The following DCC variants were observed in gnomAD, a reference collection of about 807,000 sequenced individuals.
DCC encodes netrin receptor DCC.
Under a neutral mutation model 172.5 loss-of-function variants are expected in DCC, and 58 were observed. That is an observed-to-expected ratio of 0.34 (90% CI 0.27 to 0.42). The LOEUF (loss-of-function observed/expected upper bound fraction) is 0.42. Ranked by LOEUF, DCC falls within the 10% of genes least tolerant of loss-of-function variation. The pLI is 1.00. For synonymous variants in DCC, 709 were observed against 644.5 expected, an observed-to-expected ratio of 1.10 and a Z score of -1.52; for missense variants, 1,740 against 1,791.0, an observed-to-expected ratio of 0.97 and a Z score of 0.51.
In DCC at chr18:52,639,800, T is replaced by C. The variant is rs139491214; in HGVS notation, c.92-112254T>C. On this transcript the variant is annotated intron_variant, in intron 1 of 28. Transcript: ENST00000442544. ...TACGAGACGTTCAAAGAAGAATTGG[T>C]ACCTATTCTTGTGACACTATTCCAC... 7.1e-4 allele frequency among the ~76,000 whole-genome samples: 108 copies of C among 152,230 alleles called. 1 individual carries two copies. The highest frequency in any genetic ancestry group is 2.5e-3 in the African/African-American group (103 of 41,546).
intron 2 of DCC, among the ~76,000 whole-genome samples, chr18:52,761,908 C>CA (rs1222086354): frequency 0.086 from 4,024 of 46,862 alleles, 225 homozygotes; most frequent in East Asian, 0.22. Flanking sequence ...GACTCTGTCT[C>CA]AAAAAAAAAA....
At chr18:53,048,712 A>G (rs1386318025) in intron 5 of DCC, among the ~76,000 whole-genome samples, 6 of 151,344 alleles carry the variant, frequency 4.0e-5, no homozygotes, top group African/African-American at 1.5e-4. Flanking sequence ...TATATACTCA[A>G]TGATGGGATT....
intron 1 of DCC, among the ~76,000 whole-genome samples, chr18:52,400,812 A>G (rs1311926970): frequency 1.3e-5 from 2 of 152,078 alleles, no homozygotes; most frequent in Non-Finnish European, 2.9e-5. Flanking sequence ...ATGAAGCTGG[A>G]AACCATCATT....
chr18:52,801,453 A>G (rs969176334), intron 2 of DCC, among the ~76,000 whole-genome samples: 5 of 152,242 alleles, frequency 3.3e-5, no homozygotes, highest in African/African-American at 4.8e-5. Flanking sequence ...TGGGTGAAAA[A>G]AAAATTGCCT....
rs1390082523 is a variant in DCC at position 52,541,899 on chromosome 18, G to GTA, written c.91+201031_91+201032dup. On this transcript the variant is annotated intron_variant, in intron 1 of 28. Transcript: ENST00000442544. ...TGTATATATATATATATATATATGT[G>GTA]TATATATATATGTACACAATCCTTT... Among the ~76,000 whole-genome samples the GTA allele has an allele frequency of 2.9e-4, 40 of 136,024 alleles. 1 individual carries two copies. Among genetic ancestry groups the GTA allele is most frequent in the African/African-American group, 8.2e-4 (30 of 36,600 alleles). 89.2% of individuals were successfully genotyped at this position (136,024 alleles called of 152,430 possible). A position where few individuals can be genotyped will look rare whatever the true frequency, so the allele number is the denominator to read the frequency against.
chr18:52,634,919 A>G (rs2034744327), intron 1 of DCC, among the ~76,000 whole-genome samples: 1 of 152,184 alleles, frequency 6.6e-6, no homozygotes. Flanking sequence ...AACTACTCCA[A>G]TAATTCAGTT....
intron 5 of DCC, among the ~76,000 whole-genome samples, chr18:53,034,598 A>G (rs547901530): frequency 6.6e-6 from 1 of 151,730 alleles, no homozygotes; most frequent in Admixed American, 6.6e-5. Flanking sequence ...CTCTCAGCTG[A>G]TCTCCTTATT....
intron 1 of DCC, among the ~76,000 whole-genome samples, chr18:52,401,626 G>A (rs1986445389): frequency 6.6e-6 from 1 of 151,880 alleles, no homozygotes. Context: ...TTTCTCAGGT[G>A]CATTCATTTA....
intron 27 of DCC, among the ~76,000 whole-genome samples, chr18:53,500,183 G>A (rs1411101083): frequency 1.3e-5 from 2 of 152,054 alleles, no homozygotes; most frequent in Non-Finnish European, 2.9e-5. Flanking sequence ...TCCAAATTGA[G>A]CTCCATTTTG....
rs72929107 is a variant in DCC at position 52,650,375 on chromosome 18, G to A, written c.92-101679G>A. 3.6e-3 allele frequency among the ~76,000 whole-genome samples: 554 copies of A among 152,276 alleles called. 2 individuals carry two copies. Among genetic ancestry groups the A allele is most frequent in the Non-Finnish European group, 6.1e-3 (413 of 68,026 alleles). Reference sequence around the variant, plus strand: ...AGAGGATGAGATGAGAGTAAGGTATGAGAAATTACTTAATGGGTACAATGT... The same window carrying A: ...AGAGGATGAGATGAGAGTAAGGTATAAGAAATTACTTAATGGGTACAATGT... On this transcript the variant is annotated intron_variant, in intron 1 of 28. Transcript: ENST00000442544.
chr18:53,484,443 T>G (rs2045877869), intron 25 of DCC, among the ~76,000 whole-genome samples: 1 of 151,870 alleles, frequency 6.6e-6, no homozygotes, highest in South Asian at 2.1e-4. Flanking sequence ...TCTGGTGCAG[T>G]TTCATTTATT....
At chr18:53,205,559 G>A (rs1303898969) in intron 10 of DCC, among the ~76,000 whole-genome samples, 195 bp downstream of exon 10, 1 of 152,156 alleles carries the variant, frequency 6.6e-6, no homozygotes, top group Non-Finnish European at 1.5e-5. Context: ...AATTCTGGTG[G>A]TAAGAGGTAA....
At chr18:53,268,576 C>T (rs918228166) in intron 12 of DCC, among the ~76,000 whole-genome samples, 1 of 152,098 alleles carries the variant, frequency 6.6e-6, no homozygotes, top group Admixed American at 6.5e-5. Context: ...ATTTGCAATG[C>T]TATTCTCATT....
At chr18:53,233,426 C>CA (rs1303341399) in intron 12 of DCC, among the ~76,000 whole-genome samples, 4 of 152,094 alleles carry the variant, frequency 2.6e-5, no homozygotes, top group African/African-American at 4.8e-5. Context: ...TATCAAGAAA[C>CA]AGTTTTCAGT....
At chr18:53,091,608 G>A (rs941431636) in intron 7 of DCC, among the ~76,000 whole-genome samples, 11 of 151,228 alleles carry the variant, frequency 7.3e-5, no homozygotes, top group South Asian at 4.2e-4. Flanking sequence ...TTGTATCCTC[G>A]TACGGTGCAA....
At chr18:52,908,356 C>G (rs2039921384) in intron 3 of DCC, among the ~76,000 whole-genome samples, 1 of 152,184 alleles carries the variant, frequency 6.6e-6, no homozygotes, top group African/African-American at 2.4e-5. Context: ...TAGGCAATGA[C>G]AGAAGCAAAG....
intron 13 of DCC, 119 bp downstream of exon 13, chr18:53,305,838 T>A: frequency 9.9e-7 from 1 of 1,010,378 alleles, no homozygotes; most frequent in Non-Finnish European, 1.6e-6. Flanking sequence ...GCAGGTGACA[T>A]CTATTGGCTG....
intron 7 of DCC, among the ~76,000 whole-genome samples, chr18:53,115,755 TA>T (rs1197279968): frequency 6.6e-6 from 1 of 151,666 alleles, no homozygotes; most frequent in Admixed American, 6.6e-5. Context: ...TATTTGGCAT[TA>T]AAAGTAAACT....
At chr18:53,118,360 C>G (rs1456975459) in intron 7 of DCC, among the ~76,000 whole-genome samples, 2 of 151,714 alleles carry the variant, frequency 1.3e-5, no homozygotes, top group South Asian at 2.1e-4. Context: ...GTATATAAAG[C>G]ATGTAGTTTT....
Sources: gnomAD v4.1 joint callset for allele counts (sites outside exome capture counted in the v4.1 genomes callset) on GRCh38, gnomAD v4.1.1 for gene constraint, MANE v1.5 for transcripts, NCBI Gene and HGNC (gene_info 2026-07-23, HGNC 2026-07-21) for gene names.